POFUT3: variants seen among roughly 807,000 people sequenced by gnomAD.
The protein encoded by POFUT3 is protein O-fucosyltransferase 3.
At chr8:33,466,358 G>T in the POFUT3 span, among the ~76,000 whole-genome samples, 7 of 152,084 alleles carry the variant, frequency 4.6e-5, no homozygotes, top group Non-Finnish European at 7.3e-5. Context: ...GAGCCCAGGA[G>T]TTCAAGGCTG....
chr8:33,458,135 C>A, the POFUT3 span, among the ~76,000 whole-genome samples: 26 of 152,028 alleles, frequency 1.7e-4, no homozygotes, highest in Non-Finnish European at 3.4e-4. Context: ...TTGACACACA[C>A]AATTACAGAG....
chr8:33,460,396 T>C, the POFUT3 span, among the ~76,000 whole-genome samples: 1 of 152,084 alleles, frequency 6.6e-6, no homozygotes, highest in African/African-American at 2.4e-5. Context: ...ATGAATGAAG[T>C]TCGGAATAAC....
chr8:33,385,194 G>T, the POFUT3 span, among the ~76,000 whole-genome samples: 1 of 152,260 alleles, frequency 6.6e-6, no homozygotes, highest in East Asian at 1.9e-4. Flanking sequence ...TTATTTTGTG[G>T]TTCTCATCCC....
At chr8:33,407,106 A>G in the POFUT3 span, among the ~76,000 whole-genome samples, 1 of 152,166 alleles carries the variant, frequency 6.6e-6, no homozygotes, top group Admixed American at 6.6e-5. Flanking sequence ...TAAGAGGATG[A>G]TATTTCAAAA....
the POFUT3 span, among the ~76,000 whole-genome samples, chr8:33,333,852 C>T: frequency 1.3e-5 from 2 of 151,978 alleles, no homozygotes; most frequent in East Asian, 3.9e-4. Flanking sequence ...ACCGTATTGG[C>T]GGATGATTTG....
the POFUT3 span, among the ~76,000 whole-genome samples, chr8:33,374,701 A>G: frequency 6.6e-6 from 1 of 152,210 alleles, no homozygotes; most frequent in African/African-American, 2.4e-5. Flanking sequence ...CAGAACTCTG[A>G]ACTATCTTTA....
At chr8:33,423,105 C>T in the POFUT3 span, among the ~76,000 whole-genome samples, 4 of 152,052 alleles carry the variant, frequency 2.6e-5, no homozygotes, top group African/African-American at 7.2e-5. Context: ...GTGTGACCCA[C>T]GATTCAGAAA....
chr8:33,322,904 A>C, the POFUT3 span, among the ~76,000 whole-genome samples: 3 of 151,792 alleles, frequency 2.0e-5, no homozygotes, highest in Non-Finnish European at 4.4e-5. Context: ...ACTGTGAGTT[A>C]GATTTTGTTT....
the POFUT3 span, among the ~76,000 whole-genome samples, chr8:33,450,125 G>GAGAC: frequency 2.0e-4 from 30 of 152,116 alleles, no homozygotes; most frequent in African/African-American, 7.2e-4. Context: ...ATTTTTAGTA[G>GAGAC]AGACGGGGTT....
At chr8:33,328,875 T>C in the POFUT3 span, among the ~76,000 whole-genome samples, 1 of 152,168 alleles carries the variant, frequency 6.6e-6, no homozygotes, top group South Asian at 2.1e-4. Context: ...GAGGGCATTC[T>C]CTAAAAAGAG....
At chr8:33,375,978 C>T in the POFUT3 span, among the ~76,000 whole-genome samples, 1 of 150,744 alleles carries the variant, frequency 6.6e-6, no homozygotes, top group Non-Finnish European at 1.5e-5. Context: ...GATCATGCCA[C>T]TGCACACCAG....
the POFUT3 span, among the ~76,000 whole-genome samples, chr8:33,321,576 C>T: frequency 6.6e-6 from 1 of 152,076 alleles, no homozygotes; most frequent in Non-Finnish European, 1.5e-5. Flanking sequence ...TCTCGAAAGT[C>T]CCAGACCATC....
At chr8:33,379,445 C>T in the POFUT3 span, among the ~76,000 whole-genome samples, 1 of 151,534 alleles carries the variant, frequency 6.6e-6, no homozygotes, top group Non-Finnish European at 1.5e-5. Flanking sequence ...AAAACAAACA[C>T]TATCAAGAGC....
At chr8:33,314,255 G>A in the POFUT3 span, among the ~76,000 whole-genome samples, 1 of 152,146 alleles carries the variant, frequency 6.6e-6, no homozygotes, top group African/African-American at 2.4e-5. Flanking sequence ...CTCCAACTGA[G>A]GGTGAAAAGA....
the POFUT3 span, among the ~76,000 whole-genome samples, chr8:33,428,500 G>A: frequency 6.6e-6 from 1 of 152,186 alleles, no homozygotes; most frequent in Non-Finnish European, 1.5e-5. Flanking sequence ...ACAGATGGAT[G>A]CTTTAGACTA....
chr8:33,433,200 C>A, the POFUT3 span, among the ~76,000 whole-genome samples: 5 of 151,718 alleles, frequency 3.3e-5, no homozygotes, highest in Admixed American at 2.6e-4. Context: ...CAACACTGCA[C>A]TTCACCTTGG....
the POFUT3 span, among the ~76,000 whole-genome samples, chr8:33,309,183 T>TGGGGATATATATATATATATATATGGGG: frequency 9.2e-6 from 1 of 108,244 alleles, no homozygotes; most frequent in African/African-American, 4.4e-5. Flanking sequence ...TATATATATA[T>TGGGGATATATATATATATATATATGGGG]ATATATATAT....
At chr8:33,339,764 CATG>C in the POFUT3 span, among the ~76,000 whole-genome samples, 2 of 152,076 alleles carry the variant, frequency 1.3e-5, no homozygotes, top group African/African-American at 4.8e-5. Context: ...TAAGAAATGA[CATG>C]ATATTTTCAA....
chr8:33,442,308 G>A, the POFUT3 span, among the ~76,000 whole-genome samples: 1 of 144,616 alleles, frequency 6.9e-6, no homozygotes, highest in Non-Finnish European at 1.5e-5. Context: ...TTTGGGGGGG[G>A]ACAGAGTCTT....
Sources: gnomAD v4.1 joint callset for allele counts (sites outside exome capture counted in the v4.1 genomes callset) on GRCh38, gnomAD v4.1.1 for gene constraint, MANE v1.5 for transcripts, NCBI Gene and HGNC (gene_info 2026-07-23, HGNC 2026-07-21) for gene names.